MGAT3: variants seen among roughly 807,000 people sequenced by gnomAD.
MGAT3 encodes GlcNAc-T III.
A neutral mutation model predicts 29.8 loss-of-function variants in MGAT3; 9 were observed. The ratio of observed to expected loss-of-function variants is 0.30; its 90% CI spans 0.18 to 0.53. MGAT3 has a LOEUF of 0.53. Among genes scored for constraint, MGAT3 ranks in the 20% least tolerant of loss-of-function variants. MGAT3 has a pLI of 0.96. For missense variants in MGAT3, 557 were observed against 769.5 expected (o/e 0.72, Z 3.27); for synonymous variants, 397 against 348.9 (o/e 1.14, Z -1.54).
At chr22:39,465,945 A>G (rs1161510593) in intron 1 of MGAT3, among the ~76,000 whole-genome samples, 3 of 151,872 alleles carry the variant, frequency 2.0e-5, no homozygotes, top group East Asian at 1.9e-4. Flanking sequence ...AAAAAAAAAA[A>G]AAAGAAAAGA....
At position 39,486,147 on chromosome 22, in the gene MGAT3, T is replaced by A. The variant is rs773350993; in HGVS notation, c.-1-1200T>A. ...TAAAGCCAGAGATAGACCTCAAATT[T>A]TTTTTTTTTTTTTTTTAGATGGAGT... On this transcript the variant is annotated intron_variant, in intron 1 of 1. Transcript: ENST00000341184. 120 of 171,808 alleles carry A rather than the reference T, an allele frequency of 7.0e-4. 1 individual carries two copies. Among genetic ancestry groups the A allele is most frequent in the South Asian group, 5.4e-3 (117 of 21,582 alleles). 10.6% of individuals were successfully genotyped at this position (171,808 alleles called of 1,614,324 possible).
intron 1 of MGAT3, among the ~76,000 whole-genome samples, chr22:39,479,586 G>A (rs1333822291): frequency 2.6e-5 from 4 of 152,256 alleles, no homozygotes; most frequent in African/African-American, 9.6e-5. Context: ...TCTGCTTCTG[G>A]TGTGTCCCCA....
chr22:39,484,148 A>T (rs113545649), intron 1 of MGAT3, among the ~76,000 whole-genome samples: 494 of 152,272 alleles, frequency 3.2e-3, no homozygotes, highest in African/African-American at 0.01. Context: ...CTATAAAATG[A>T]AAGAGTTGGA....
At position 39,457,216 on chromosome 22, in the gene MGAT3, G is replaced by C. The variant is rs1405226750; in HGVS notation, c.-343G>C. On this transcript the variant is annotated 5_prime_UTR_variant, in exon 1 of 2. Coordinates refer to ENST00000341184, the MANE Select transcript of MGAT3 (RefSeq NM_002409.5). This position sits in a 1 kb window ranked among gnomAD's most constrained non-coding sequence, Gnocchi z 6.8. ...AGCCGGCGGGAGCGGGCACCCCTGCGCGCCGCGCTCGGCCTCGCCTCCGCG... is the reference window on the plus strand; with the variant it reads ...AGCCGGCGGGAGCGGGCACCCCTGCCCGCCGCGCTCGGCCTCGCCTCCGCG... 6.9e-6 allele frequency: 1 copy of C among 144,476 alleles called. No homozygotes were observed. Among genetic ancestry groups the C allele is most frequent in the Non-Finnish European group, 1.5e-5 (1 of 65,090 alleles). The allele number at this position is 144,476 out of a possible 1,614,324, so 8.9% of individuals were successfully genotyped here. A position where few individuals can be genotyped will look rare whatever the true frequency, so the allele number is the denominator to read the frequency against.
In MGAT3 at chr22:39,467,722, G is replaced by A. The variant is rs534167317; in HGVS notation, c.-2+10165G>A. ...TTCAGACAGAGTCTGGATCTGTTTC[G>A]TTTTGTTTCGTTTCGTTTCGTTTCT... On this transcript the variant is annotated intron_variant, in intron 1 of 1. Coordinates refer to ENST00000341184, the MANE Select transcript of MGAT3 (RefSeq NM_002409.5). Among the ~76,000 whole-genome samples the A allele has an allele frequency of 2.8e-4, 40 of 143,792 alleles. 1 individual carries two copies. The South Asian group carries it at 8.0e-3, about 29-fold the overall frequency. The allele number at this position is 143,792 out of a possible 152,430, so 94.3% of individuals were successfully genotyped here.
At chr22:39,483,241 T>A (rs189875065) in intron 1 of MGAT3, among the ~76,000 whole-genome samples, 16 of 152,206 alleles carry the variant, frequency 1.1e-4, no homozygotes, top group South Asian at 2.1e-4. Flanking sequence ...ACACCTGTAA[T>A]CCCAGCACTC....
intron 1 of MGAT3, among the ~76,000 whole-genome samples, chr22:39,468,361 G>C (rs1345099969): frequency 6.6e-6 from 1 of 152,212 alleles, no homozygotes; most frequent in African/African-American, 2.4e-5. Context: ...GCAGCACCAG[G>C]GCATGAGGCA....
chr22:39,488,016 G>A lies in MGAT3; in HGVS notation c.669G>A (p.Val223=). Residue 223 remains valine (V), a synonymous_variant, in exon 2 of 2, where the codon GTG becomes GTA. Transcript: ENST00000341184. The part of the protein sequence containing the change: ...NVNHEFDLLD[V]RFHELGDVVD... ...ACCACGAGTTCGACCTGCTGGACGT[G>A]CGCTTCCACGAGCTGGGCGACGTGG... 1 of 1,613,194 alleles carries A rather than the reference G, an allele frequency of 6.2e-7. No individual in the cohort carries two copies. Among genetic ancestry groups the A allele is most frequent in the Non-Finnish European group, 8.5e-7 (1 of 1,179,842 alleles).
intron 1 of MGAT3, among the ~76,000 whole-genome samples, chr22:39,462,811 A>G (rs1357852067): frequency 1.3e-5 from 2 of 152,246 alleles, no homozygotes; most frequent in Admixed American, 6.5e-5. Context: ...AAATTGAAAC[A>G]ATGGAAATCA....
At chr22:39,473,244 A>G (rs1928861740) in intron 1 of MGAT3, among the ~76,000 whole-genome samples, 1 of 152,188 alleles carries the variant, frequency 6.6e-6, no homozygotes, top group South Asian at 2.1e-4. Flanking sequence ...AAACAGCAGA[A>G]CTTTCTCACG....
Position 39,485,732 on chromosome 22 carries a change from T to C in MGAT3, c.-1-1615T>C, listed in dbSNP as rs536338721. 3.0e-3 allele frequency among the ~76,000 whole-genome samples: 453 copies of C among 152,226 alleles called. 5 individuals carry two copies. Among genetic ancestry groups the C allele is most frequent in the Non-Finnish European group, 2.1e-3 (146 of 67,998 alleles). On this transcript the variant is annotated intron_variant, in intron 1 of 1. Coordinates refer to ENST00000341184, the MANE Select transcript of MGAT3 (RefSeq NM_002409.5). ...TGAACCTGGGAGGCAGGGGCTGCAG[T>C]GAGCAGAGATCGCACCACTGCACTT...
chr22:39,462,629 T>C (rs1928530266), intron 1 of MGAT3, among the ~76,000 whole-genome samples: 1 of 152,174 alleles, frequency 6.6e-6, no homozygotes, highest in East Asian at 1.9e-4. Flanking sequence ...GAGCTGCCCA[T>C]GGGCTGGAAG....
chr22:39,466,498 A>G (rs1282908550), intron 1 of MGAT3, among the ~76,000 whole-genome samples: 1 of 151,890 alleles, frequency 6.6e-6, no homozygotes, highest in Non-Finnish European at 1.5e-5. Context: ...CGCGTCCCCC[A>G]TGCTCCAGCC....
Position 39,488,396 on chromosome 22 carries a change from G to A in MGAT3, c.1049G>A (p.Gly350Asp). The A allele has an allele frequency of 6.2e-7, 1 of 1,612,798 alleles. No homozygotes were observed. Residue 350 changes from glycine to aspartate, a missense_variant, in exon 2 of 2, where the codon GGC (glycine) becomes GAC (aspartate). This residue lies in a region of MGAT3 where 243 missense variants were observed against 444.0 expected (regional missense o/e 0.55). Transcript: ENST00000341184. ...TTCCACATGCGCAAGTCGCTCTACG[G>A]CTTCTTCTGGAAGCAGCCGGGCACC... ...FAFHMRKSLY[G>D]FFWKQPGTLE... is the part of the protein sequence containing the mutation.
rs1929347622 is a variant in MGAT3, at chr22:39,488,315, C to G, written c.968C>G (p.Ala323Gly). The part of the protein sequence containing the change: ...FIIDDADEIP[A>G]RDGVLFLKLY... ...ATTGACGATGCGGACGAGATCCCGG[C>G]CCGTGACGGCGTCCTTTTCCTCAAG... Residue 323 changes from alanine to glycine, a missense_variant, in exon 2 of 2, where the codon GCC becomes GGC. Physicochemically the swap from Ala to Gly is moderately conservative, Grantham distance 60. Around this residue, in one of 3 missense-constraint regions of MGAT3, gnomAD observed 243 missense variants for 444.0 expected, o/e 0.55. Coordinates refer to ENST00000341184, the MANE Select transcript of MGAT3 (RefSeq NM_002409.5). 6.2e-7 allele frequency: 1 copy of G among 1,611,954 alleles called. No individual in the cohort carries two copies. The highest frequency in any genetic ancestry group is 8.5e-7 in the Non-Finnish European group (1 of 1,180,006).
chr22:39,486,282 T>A (rs767728430), intron 1 of MGAT3: 1 of 350,316 alleles, frequency 2.9e-6, no homozygotes, highest in Non-Finnish European at 5.5e-6. Flanking sequence ...ATAGCTGGGA[T>A]TATAGGCATG....
In MGAT3 at chr22:39,480,292, A is replaced by C. The variant is rs1929086669; in HGVS notation, c.-1-7055A>C. 2.0e-5 allele frequency among the ~76,000 whole-genome samples: 3 copies of C among 152,270 alleles called. No homozygotes were observed. In the South Asian group the frequency reaches 6.2e-4, roughly 31 times the overall value. On this transcript the variant is annotated intron_variant, in intron 1 of 1. Transcript: ENST00000341184. ...CCTTGGTGGTGGGAAGGAGCTGGAG[A>C]GGGGTTTTGTCCTCAGAGAGCTGCC...
chr22:39,483,451 C>G (rs1219388159), intron 1 of MGAT3, among the ~76,000 whole-genome samples: 1 of 151,864 alleles, frequency 6.6e-6, no homozygotes, highest in Non-Finnish European at 1.5e-5. Context: ...CACCATTGCA[C>G]TCCAGCCTGG....
chr22:39,483,076 C>A (rs531224987), intron 1 of MGAT3, among the ~76,000 whole-genome samples: 1 of 152,342 alleles, frequency 6.6e-6, no homozygotes, highest in Admixed American at 6.5e-5. Flanking sequence ...TTGCTAAAGC[C>A]TTTGTTCATG....
Sources: allele counts gnomAD v4.1 joint callset (sites outside exome capture counted in the v4.1 genomes callset), GRCh38; gene constraint gnomAD v4.1.1; regional missense constraint gnomAD v4.1.1; non-coding constraint Gnocchi (gnomAD v3.1); transcripts MANE v1.5; gene names NCBI Gene and HGNC (gene_info 2026-07-23, HGNC 2026-07-21).